ADAMTS17: variants seen among roughly 807,000 people sequenced by gnomAD.
ADAMTS17 encodes the protein A disintegrin and metalloproteinase with thrombospondin motifs 17.
Under a neutral mutation model 141.5 loss-of-function variants are expected in ADAMTS17, and 113 were observed. The observed-to-expected ratio is 0.80, with a 90% CI of 0.69 to 0.93. The LOEUF is 0.93. Among genes scored for constraint, ADAMTS17 ranks in the 40% least tolerant of loss-of-function variants. The pLI, the probability that ADAMTS17 is intolerant of heterozygous loss-of-function variation, is 0.00. For synonymous variants in ADAMTS17, 768 were observed against 630.6 expected (o/e 1.22, Z -3.27); for missense variants, 1,659 against 1,517.9 (o/e 1.09, Z -1.54).
At chr15:100,072,042 G>T (rs2034007416) in intron 15 of ADAMTS17, among the ~76,000 whole-genome samples, 1 of 149,628 alleles carries the variant, frequency 6.7e-6, no homozygotes, top group Non-Finnish European at 1.5e-5. Context: ...TGAGCTGATA[G>T]GCAACTTCCG....
chr15:100,039,812 G>C (rs562637396), intron 18 of ADAMTS17, among the ~76,000 whole-genome samples: 1 of 152,136 alleles, frequency 6.6e-6, no homozygotes, highest in African/African-American at 2.4e-5. Flanking sequence ...ACTACTGAAA[G>C]TGAGGTATTG....
At chr15:100,277,690 C>A (rs551264205) in intron 4 of ADAMTS17, among the ~76,000 whole-genome samples, 14 of 152,194 alleles carry the variant, frequency 9.2e-5, no homozygotes, top group African/African-American at 3.4e-4. Flanking sequence ...ACGAGGAACA[C>A]GGAACTATTT....
intron 3 of ADAMTS17, among the ~76,000 whole-genome samples, chr15:100,290,374 A>C (rs192279454): frequency 2.0e-5 from 3 of 152,370 alleles, no homozygotes; most frequent in African/African-American, 7.2e-5. Flanking sequence ...AAACAAATGG[A>C]AAATCATTCC....
At chr15:100,243,338 A>G (rs948810903) in intron 7 of ADAMTS17, among the ~76,000 whole-genome samples, 2 of 152,226 alleles carry the variant, frequency 1.3e-5, no homozygotes, top group Non-Finnish European at 2.9e-5. Flanking sequence ...TTGGGAGTGT[A>G]TCAAGAAGTA....
intron 18 of ADAMTS17, among the ~76,000 whole-genome samples, chr15:100,034,223 G>A (rs2030474956): frequency 6.6e-6 from 1 of 152,234 alleles, no homozygotes; most frequent in Non-Finnish European, 1.5e-5. Context: ...TCTCAAAGTG[G>A]TTCACAGCAC....
intron 15 of ADAMTS17, among the ~76,000 whole-genome samples, chr15:100,073,691 C>G (rs1205091650): frequency 1.4e-5 from 2 of 142,200 alleles, no homozygotes; most frequent in East Asian, 4.1e-4. Flanking sequence ...CATGTTCTCA[C>G]TCATAGGTGG....
Position 99,997,540 on chromosome 15 carries a change from A to G in ADAMTS17, c.2641T>C (p.Phe881Leu). Residue 881 changes from phenylalanine to leucine, a missense_variant, in exon 19 of 22, where the codon TTC (phenylalanine) becomes CTC (leucine). Coordinates refer to ENST00000268070, the MANE Select transcript of ADAMTS17 (RefSeq NM_139057.4). The surrounding 1 kb of genome is among the most constrained non-coding windows in gnomAD (Gnocchi z 4.7). Reference sequence around the variant, plus strand: ...ACGCAGGTCACCTCCCGGTGCTGGAAGCCTTTCTCACAGGTCGCCGAGCAG... The same window carrying G: ...ACGCAGGTCACCTCCCGGTGCTGGAGGCCTTTCTCACAGGTCGCCGAGCAG... ...SPCSATCEKG[F>L]QHREVTCVYQ... The G allele has an allele frequency of 6.2e-7, 1 of 1,613,592 alleles. No individual in the cohort carries two copies. Among genetic ancestry groups the G allele is most frequent in the Non-Finnish European group, 8.5e-7 (1 of 1,180,020 alleles).
chr15:100,305,677 G>A (rs55711433), intron 3 of ADAMTS17, among the ~76,000 whole-genome samples: 8,970 of 152,214 alleles, frequency 0.059, 316 homozygotes, highest in Middle Eastern at 0.085. Context: ...TACCGGATAT[G>A]TTATCTTATC....
chr15:100,241,536 A>G (rs185095481), intron 7 of ADAMTS17, among the ~76,000 whole-genome samples: 2 of 152,314 alleles, frequency 1.3e-5, no homozygotes, highest in East Asian at 3.9e-4. Flanking sequence ...GTAACATCCA[A>G]TGTTTCAGGG....
intron 19 of ADAMTS17, among the ~76,000 whole-genome samples, chr15:99,994,006 T>C (rs1003032749): frequency 6.6e-6 from 1 of 151,640 alleles, no homozygotes; most frequent in African/African-American, 2.4e-5. Context: ...CACTCTGGAG[T>C]GCGTCTGGAG....
intron 8 of ADAMTS17, among the ~76,000 whole-genome samples, chr15:100,196,602 G>C (rs1247460883): frequency 6.6e-6 from 1 of 152,280 alleles, no homozygotes; most frequent in Non-Finnish European, 1.5e-5. Context: ...CCATGGTAAG[G>C]GACCGGTGGG....
chr15:100,228,960 T>G (rs374999027), intron 7 of ADAMTS17, among the ~76,000 whole-genome samples: 2 of 152,212 alleles, frequency 1.3e-5, no homozygotes, highest in East Asian at 3.9e-4. Flanking sequence ...AGAAGTTGGA[T>G]AGTGCTTCCG....
intron 15 of ADAMTS17, among the ~76,000 whole-genome samples, chr15:100,060,151 G>A (rs896903576): frequency 5.9e-5 from 9 of 152,228 alleles, no homozygotes; most frequent in Non-Finnish European, 1.2e-4. Context: ...TGAAGCTCTG[G>A]TTTGCTGGGG....
rs761713374 is a variant in ADAMTS17, at chr15:100,208,014, GC to G, written c.1076-8592del. ...TACTGCTAGCTCTGAAGAATCGGAG[GC>G]TAAAATCATCTCTTCAAGTCCCCAG... On this transcript the variant is annotated intron_variant, in intron 7 of 21. Transcript: ENST00000268070. Among the ~76,000 whole-genome samples, 11 of 152,252 alleles carry G rather than the reference GC, an allele frequency of 7.2e-5. No homozygotes were observed. In the South Asian group the frequency reaches 2.3e-3, roughly 32 times the overall value.
intron 15 of ADAMTS17, among the ~76,000 whole-genome samples, chr15:100,093,280 G>C (rs1283209817): frequency 6.6e-6 from 1 of 152,172 alleles, no homozygotes; most frequent in Non-Finnish European, 1.5e-5. Context: ...CTCAGCTCAG[G>C]AACTTTGGTA....
At chr15:100,161,562 C>T (rs906948541) in intron 8 of ADAMTS17, among the ~76,000 whole-genome samples, 7 of 152,192 alleles carry the variant, frequency 4.6e-5, no homozygotes. Flanking sequence ...TTTGCAGTAA[C>T]TGGAATGGCC....
intron 3 of ADAMTS17, among the ~76,000 whole-genome samples, chr15:100,327,286 T>C (rs757152476): frequency 6.6e-6 from 1 of 152,222 alleles, no homozygotes; most frequent in African/African-American, 2.4e-5. Flanking sequence ...CAAATACTCA[T>C]TGACATTACC....
intron 3 of ADAMTS17, among the ~76,000 whole-genome samples, chr15:100,298,086 A>T (rs2044887621): frequency 6.6e-6 from 1 of 152,002 alleles, no homozygotes; most frequent in Non-Finnish European, 1.5e-5. Context: ...GCAGGCGAAA[A>T]CCAGACTAGA....
chr15:100,141,429 TTATA>T (rs1458925022), intron 10 of ADAMTS17, among the ~76,000 whole-genome samples: 2 of 152,188 alleles, frequency 1.3e-5, no homozygotes, highest in Non-Finnish European at 2.9e-5. Flanking sequence ...AATGAGATGC[TTATA>T]TAAAGTCTCT....
Sources: gnomAD v4.1 joint callset for allele counts (sites outside exome capture counted in the v4.1 genomes callset) on GRCh38, gnomAD v4.1.1 for gene constraint, Gnocchi (gnomAD v3.1) non-coding constraint, MANE v1.5 for transcripts, NCBI Gene and HGNC (gene_info 2026-07-23, HGNC 2026-07-21) for gene names.